Variants in CHST6 observed in about 807,000 individuals in gnomAD.
CHST6 encodes carbohydrate sulfotransferase 6, also known as N-acetylglucosamine 6-O-sulfotransferase 5.
For missense variants in CHST6, 698 were observed against 586.2 expected (o/e 1.19, Z -1.97); for synonymous variants, 309 against 276.4 (o/e 1.12, Z -1.17).
chr16:75,491,414 G>C (rs1413001452), intron 1 of CHST6, among the ~76,000 whole-genome samples: 4 of 151,468 alleles, frequency 2.6e-5, no homozygotes, highest in Non-Finnish European at 5.9e-5. Flanking sequence ...CTGTCGCCTA[G>C]GCTGGAGTGC....
intron 1 of CHST6, among the ~76,000 whole-genome samples, chr16:75,491,770 G>A (rs938913841): frequency 2.0e-5 from 3 of 152,208 alleles, no homozygotes; most frequent in African/African-American, 7.2e-5. Flanking sequence ...TTGGTTAAAG[G>A]AGGCTTAGGT....
chr16:75,491,271 CTA>C (rs1310492496), intron 1 of CHST6, among the ~76,000 whole-genome samples: 1 of 136,542 alleles, frequency 7.3e-6, no homozygotes, highest in Non-Finnish European at 1.5e-5. Context: ...TACATGAATT[CTA>C]TCTCAATAAA....
chr16:75,487,692 A>G (rs984646131), intron 1 of CHST6, among the ~76,000 whole-genome samples: 10 of 151,050 alleles, frequency 6.6e-5, no homozygotes, highest in South Asian at 2.1e-4. Flanking sequence ...CCAGCTACTC[A>G]GGAGGCTGAG....
chr16:75,491,997 C>T (rs1032938656), intron 1 of CHST6, among the ~76,000 whole-genome samples: 5 of 152,338 alleles, frequency 3.3e-5, no homozygotes, highest in African/African-American at 9.6e-5. Context: ...CAAGCCCTGG[C>T]CACATCTGCC....
In CHST6 at chr16:75,478,426, G is replaced by A. The variant is rs1489959930; in HGVS notation, c.*215C>T. ...GGGCAAGAGTTGCTTTCCATGAAGA[G>A]TGCACCTGATGAGAAGGCAGCTCCA... is the stretch of plus-strand genomic sequence containing the variant. On this transcript the variant is annotated 3_prime_UTR_variant, in exon 3 of 3. Coordinates refer to ENST00000332272, the MANE Select transcript of CHST6 (RefSeq NM_021615.5). The A allele has an allele frequency of 1.7e-6, 1 of 599,332 alleles. No individual in the cohort carries two copies. The highest frequency in any genetic ancestry group is 2.8e-5 in the East Asian group (1 of 35,102). 37.1% of individuals were successfully genotyped at this position (599,332 alleles called of 1,614,324 possible). A position where few individuals can be genotyped will look rare whatever the true frequency, so the allele number is the denominator to read the frequency against.
Position 75,473,620 on chromosome 16 carries a change from C to T in CHST6, c.*5021G>A, listed in dbSNP as rs1365596838. 2 of 152,184 alleles carry T rather than the reference C, an allele frequency of 1.3e-5. No individual in the cohort carries two copies. Among genetic ancestry groups the T allele is most frequent in the Admixed American group, 6.5e-5 (1 of 15,272 alleles). The allele number at this position is 152,184 out of a possible 1,614,324, so 9.4% of individuals were successfully genotyped here. ...GCCTAAAGGCACGATATAAACTCTC[C>T]ATCACTGGACACAACCCTTGACTCA... On this transcript the variant is annotated 3_prime_UTR_variant, in exon 3 of 3. Transcript: ENST00000332272.
At chr16:75,484,734 C>A (rs975007084) in intron 1 of CHST6, among the ~76,000 whole-genome samples, 1 of 152,012 alleles carries the variant, frequency 6.6e-6, no homozygotes, top group Admixed American at 6.6e-5. Flanking sequence ...GTCCCAGGTA[C>A]TTGGGAAGCT....
At chr16:75,493,174 G>GTA (rs2080274241) in intron 1 of CHST6, among the ~76,000 whole-genome samples, 1 of 151,880 alleles carries the variant, frequency 6.6e-6, no homozygotes, top group African/African-American at 2.4e-5. Flanking sequence ...TTTACTGAGC[G>GTA]ATCTTGTGCA....
chr16:75,487,135 G>A (rs1018889111), intron 1 of CHST6, among the ~76,000 whole-genome samples: 23 of 152,324 alleles, frequency 1.5e-4, no homozygotes, highest in African/African-American at 4.1e-4. Context: ...TTCCCCAGTA[G>A]CCCACATGGC....
intron 1 of CHST6, among the ~76,000 whole-genome samples, chr16:75,491,397 T>A (rs754611621): frequency 6.6e-6 from 1 of 151,442 alleles, no homozygotes; most frequent in African/African-American, 2.4e-5. Context: ...TGAGACGGAG[T>A]CTTGCTCTGT....
rs777714119 is a variant in CHST6, at chr16:75,479,237, C to G, written c.592G>C (p.Val198Leu). 6.2e-7 allele frequency: 1 copy of G among 1,611,670 alleles called. No individual in the cohort carries two copies. The highest frequency in any genetic ancestry group is 1.7e-5 in the Admixed American group (1 of 59,996). The change falls in exon 3 of 3, where the codon GTG becomes CTG. Residue 198 changes from valine to leucine, a missense_variant. Physicochemically the swap from Val to Leu is conservative, Grantham distance 32. Transcript: ENST00000332272. ...GCCCGCGGGTCGCGCACCAGGTGCA[C>G]GATGCGTAGGTTGAGCGCGGGGTCG... is the stretch of plus-strand genomic sequence containing the variant. ...LSDPALNLRIVHLVRDPRAVL... is the reference protein window; with the variant it reads ...LSDPALNLRILHLVRDPRAVL...
Position 75,479,464 on chromosome 16 carries a change from T to TG in CHST6, c.364dup (p.Gln122ProfsTer100). ...GCACAGTGCACGGCTCACGGCCCAC[T>TG]GGAAGAGGTCGGACAGGTTGCGGCG... On this transcript the variant is annotated frameshift_variant, in exon 3 of 3. Coordinates refer to ENST00000332272, the MANE Select transcript of CHST6 (RefSeq NM_021615.5). LOFTEE classifies it low-confidence loss of function (END_TRUNC). The TG allele has an allele frequency of 1.9e-6, 3 of 1,612,778 alleles. No homozygotes were observed. The highest frequency in any genetic ancestry group is 2.5e-6 in the Non-Finnish European group (3 of 1,179,834).
intron 2 of CHST6, 81 bp from the exon 3 acceptor site, chr16:75,479,925 C>T: frequency 8.4e-7 from 1 of 1,196,444 alleles, no homozygotes; most frequent in Non-Finnish European, 1.2e-6. Context: ...CCGCAGGGGG[C>T]AGATTCTACC....
chr16:75,474,340 T>C lies in CHST6; in HGVS notation c.*4301A>G. On this transcript the variant is annotated 3_prime_UTR_variant, in exon 3 of 3. Coordinates refer to ENST00000332272, the MANE Select transcript of CHST6 (RefSeq NM_021615.5). ...CTCAGGCTGGAGTGCACTGGCATGA[T>C]CATGGTTCAATGTAGCCTCAACCTC... The C allele has an allele frequency of 2.8e-6, 1 of 356,242 alleles. No homozygotes were observed. The highest frequency in any genetic ancestry group is 5.0e-6 in the Non-Finnish European group (1 of 199,950). 22.1% of individuals were successfully genotyped at this position (356,242 alleles called of 1,614,324 possible).
At position 75,478,606 on chromosome 16, in the gene CHST6, C is replaced by G. The variant is rs776902827; in HGVS notation, c.*35G>C. On this transcript the variant is annotated 3_prime_UTR_variant, in exon 3 of 3. Coordinates refer to ENST00000332272, the MANE Select transcript of CHST6 (RefSeq NM_021615.5). ...CCCCCTCTGCACCATGCACTCTCCT[C>G]CCGGGCCTAGCGCCTGCTACAACTG... is the stretch of plus-strand genomic sequence containing the variant. 12 of 1,608,630 alleles carry G rather than the reference C, an allele frequency of 7.5e-6. No homozygotes were observed. In the South Asian group the frequency reaches 1.1e-4, roughly 15 times the overall value.
rs2080232688 is a variant in CHST6, at chr16:75,489,302, G to A, written c.-92+5638C>T. 4.6e-5 allele frequency among the ~76,000 whole-genome samples: 7 copies of A among 151,298 alleles called. No homozygotes were observed. The South Asian group carries it at 1.5e-3, about 32-fold the overall frequency. On this transcript the variant is annotated intron_variant, in intron 1 of 2. Coordinates refer to ENST00000332272, the MANE Select transcript of CHST6 (RefSeq NM_021615.5). ...TAATCCCAGCTACTCGTGAAGATGA[G>A]GCAGAAGAATCGCTTGAGCCCAGGA...
In CHST6 at chr16:75,475,445, G is replaced by C. The variant is rs1236259235; in HGVS notation, c.*3196C>G. The C allele has an allele frequency of 6.6e-6, 1 of 152,302 alleles. No individual in the cohort carries two copies. The highest frequency in any genetic ancestry group is 1.9e-4 in the East Asian group (1 of 5,194). 9.4% of individuals were successfully genotyped at this position (152,302 alleles called of 1,614,324 possible). A position where few individuals can be genotyped will look rare whatever the true frequency, so the allele number is the denominator to read the frequency against. On this transcript the variant is annotated 3_prime_UTR_variant, in exon 3 of 3. Coordinates refer to ENST00000332272, the MANE Select transcript of CHST6 (RefSeq NM_021615.5). The stretch of plus-strand genomic sequence containing the variant: ...GTCAACACAGCAAACCACTAACAGT[G>C]GTCAATGCAGTCACCCCCACAGCAA...
intron 2 of CHST6, among the ~76,000 whole-genome samples, chr16:75,480,096 G>A (rs2080123623): frequency 1.3e-5 from 2 of 152,090 alleles, no homozygotes; most frequent in Non-Finnish European, 2.9e-5. Context: ...CCTTCTTAAT[G>A]TGAGTCCTAC....
In CHST6 at chr16:75,479,618, C is replaced by A. The variant is rs999246452; in HGVS notation, c.211G>T (p.Glu71Ter). The A allele has an allele frequency of 6.2e-7, 1 of 1,612,736 alleles. No homozygotes were observed. Among genetic ancestry groups the A allele is most frequent in the Non-Finnish European group, 8.5e-7 (1 of 1,179,848 alleles). The change falls in exon 3 of 3, where the codon GAG becomes TAG. Residue 71 changes from glutamate to a stop codon, truncating the protein, a stop_gained. Coordinates refer to ENST00000332272, the MANE Select transcript of CHST6 (RefSeq NM_021615.5). LOFTEE classifies it low-confidence loss of function (END_TRUNC). ...NQHPDVFYLM[E>*]PAWHVWTTLS... ...GTGGTCCACACGTGCCACGCGGGCT[C>A]CATTAGGTAGAAGACGTCGGGGTGC... is the stretch of plus-strand genomic sequence containing the variant.
Sources: gnomAD v4.1 joint callset for allele counts (sites outside exome capture counted in the v4.1 genomes callset) on GRCh38, gnomAD v4.1.1 for gene constraint, MANE v1.5 for transcripts, NCBI Gene and HGNC (gene_info 2026-07-23, HGNC 2026-07-21) for gene names.